Variants in RNF149 observed in about 807,000 individuals in gnomAD.
RNF149 encodes the protein ring finger protein 149.
Under a neutral mutation model 39.0 loss-of-function variants are expected in RNF149, and 21 were observed. The ratio of observed to expected loss-of-function variants is 0.54; its 90% CI spans 0.38 to 0.77. RNF149 has a LOEUF of 0.77. RNF149 is among the 30% of genes least tolerant of loss of function. The probability of loss-of-function intolerance (pLI) is 0.00; values close to 1 mark genes in which losing one functional copy is unlikely to be tolerated. For synonymous variants in RNF149, 209 were observed against 213.6 expected (o/e 0.98, Z 0.19); for missense variants, 493 against 534.9 (o/e 0.92, Z 0.77).
chr2:101,304,143 T>TC (rs1250204421), intron 1 of RNF149, among the ~76,000 whole-genome samples: 1 of 152,136 alleles, frequency 6.6e-6, no homozygotes, highest in Non-Finnish European at 1.5e-5. Flanking sequence ...TGGCTTACAC[T>TC]CCCAGCACTG....
Position 101,289,010 on chromosome 2 carries a change from A to C in RNF149, c.826T>G (p.Phe276Val). Residue 276 changes from phenylalanine to valine, a missense_variant, in exon 4 of 7, where the codon TTC becomes GTC. Physicochemically the swap from Phe to Val is conservative, Grantham distance 50. Transcript: ENST00000295317. ...AENCAVCIEN[F>V]KVKDIIRILP... The stretch of plus-strand genomic sequence containing the variant: ...ATTCTAATAATATCCTTTACTTTGA[A>C]ATTTTCAATACACACTGCACAATTT... 6.3e-7 allele frequency: 1 copy of C among 1,593,380 alleles called. No homozygotes were observed. The highest frequency in any genetic ancestry group is 8.6e-7 in the Non-Finnish European group (1 of 1,162,566).
chr2:101,308,135 G>C lies in RNF149; in HGVS notation c.454C>G (p.His152Asp). 1.2e-6 allele frequency: 2 copies of C among 1,608,542 alleles called. No homozygotes were observed. Among genetic ancestry groups the C allele is most frequent in the Non-Finnish European group, 1.7e-6 (2 of 1,178,560 alleles). Residue 152 changes from histidine to aspartate, a missense_variant, in exon 1 of 7, where the codon CAC becomes GAC. Physicochemically the swap from His to Asp is moderately conservative, Grantham distance 81. Transcript: ENST00000295317. ...CGCGCCCCGGCCTGCTCACCCGCGTGAGACATGGGCAAGGTGATGTTCCCG... is the reference window on the plus strand; with the variant it reads ...CGCGCCCCGGCCTGCTCACCCGCGTCAGACATGGGCAAGGTGATGTTCCCG... ...RYGNITLPMS[H>D]AGTGNIVVIM...
rs1573260346 is a variant in RNF149 at position 101,301,292 on chromosome 2, T to A, written c.461-6111A>T. ...TATCTTTGCACATAGTACATAATCA[T>A]AAATCTACTTGCTGAACAATACTAA... On this transcript the variant is annotated intron_variant, in intron 1 of 6. Transcript: ENST00000295317. 2.0e-5 allele frequency among the ~76,000 whole-genome samples: 3 copies of A among 152,078 alleles called. No individual in the cohort carries two copies. In the East Asian group the frequency reaches 5.8e-4, roughly 29 times the overall value.
In RNF149 at chr2:101,280,204, G is replaced by A. The variant is rs62153992; in HGVS notation, c.1159+1655C>T. ...TAATAATAATAATAATAATAATAAT[G>A]ATGATGATGATGATAATGTAGAATA... On this transcript the variant is annotated intron_variant, in intron 6 of 6. Coordinates refer to ENST00000295317, the MANE Select transcript of RNF149 (RefSeq NM_173647.4). Among the ~76,000 whole-genome samples the A allele has an allele frequency of 3.4e-3, 354 of 104,400 alleles. 1 individual carries two copies. Among genetic ancestry groups the A allele is most frequent in the African/African-American group, 9.7e-3 (298 of 30,638 alleles). The allele number at this position is 104,400 out of a possible 152,430, so 68.5% of individuals were successfully genotyped here. A position where few individuals can be genotyped will look rare whatever the true frequency, so the allele number is the denominator to read the frequency against.
chr2:101,277,367 A>G, intron 6 of RNF149, 86 bp from the exon 7 acceptor site: 1 of 1,488,176 alleles, frequency 6.7e-7, no homozygotes, highest in Non-Finnish European at 9.0e-7. Context: ...ACTCACTTGG[A>G]GATAATTCAA....
At chr2:101,277,346 C>A in intron 6 of RNF149, 65 bp from the exon 7 acceptor site, 1 of 1,544,728 alleles carries the variant, frequency 6.5e-7, no homozygotes, top group Non-Finnish European at 8.7e-7. Context: ...TTCAACTATG[C>A]AAACACACTT....
chr2:101,293,286 A>T (rs930528573), intron 3 of RNF149, among the ~76,000 whole-genome samples: 2 of 152,194 alleles, frequency 1.3e-5, no homozygotes, highest in Non-Finnish European at 2.9e-5. Context: ...ATTTTTGATA[A>T]CTTAGTGAGA....
chr2:101,281,295 T>G (rs1362952944), intron 6 of RNF149, among the ~76,000 whole-genome samples: 1 of 152,096 alleles, frequency 6.6e-6, no homozygotes, highest in Non-Finnish European at 1.5e-5. Flanking sequence ...AAAAAGTAGG[T>G]TACCTAACAG....
At chr2:101,282,855 G>C (rs939661570) in intron 5 of RNF149, among the ~76,000 whole-genome samples, 1 of 151,824 alleles carries the variant, frequency 6.6e-6, no homozygotes, top group Non-Finnish European at 1.5e-5. Flanking sequence ...GCCCCCCACA[G>C]CCCTGCTCCA....
chr2:101,300,923 G>C (rs989558163), intron 1 of RNF149, among the ~76,000 whole-genome samples: 2 of 152,162 alleles, frequency 1.3e-5, no homozygotes, highest in Non-Finnish European at 2.9e-5. Flanking sequence ...TCTTGCCTCC[G>C]ATGCATCGCC....
intron 1 of RNF149, among the ~76,000 whole-genome samples, chr2:101,305,725 G>GAGAGGAGGGGGAGAGGGAGAGA (rs1573269306): frequency 1.3e-5 from 2 of 151,904 alleles, no homozygotes; most frequent in East Asian, 3.9e-4. Flanking sequence ...GGAGGGAGAG[G>GAGAGGAGGGGGAGAGGGAGAGA]GAGAGGAGGG....
chr2:101,308,329 A>T lies in RNF149; in HGVS notation c.260T>A (p.Leu87His), dbSNP rs776200345. The part of the protein sequence containing the change: ...VGVPWAPGGD[L>H]EGCAPDTRFF... ...GCGCGTGTCGGGCGCGCAGCCCTCG[A>T]GGTCTCCGCCGGGCGCCCACGGGAC... The change falls in exon 1 of 7, where the codon CTC (leucine) becomes CAC (histidine). Residue 87 changes from leucine (L) to histidine (H), a missense_variant. Transcript: ENST00000295317. The T allele has an allele frequency of 6.3e-7, 1 of 1,595,780 alleles. No homozygotes were observed. Among genetic ancestry groups the T allele is most frequent in the Non-Finnish European group, 8.5e-7 (1 of 1,173,942 alleles).
intron 3 of RNF149, among the ~76,000 whole-genome samples, chr2:101,293,187 A>G (rs939227916): frequency 2.0e-5 from 3 of 152,100 alleles, no homozygotes; most frequent in Non-Finnish European, 4.4e-5. Context: ...TTTTTGCTTT[A>G]ATCCTTTAAG....
At chr2:101,303,197 C>G (rs1321054614) in intron 1 of RNF149, among the ~76,000 whole-genome samples, 2 of 151,972 alleles carry the variant, frequency 1.3e-5, no homozygotes, top group African/African-American at 4.8e-5. Context: ...CTCACTGCAA[C>G]CTCTGCCTCC....
chr2:101,273,366 T>A (rs981340899), downstream of RNF149: 1 of 470,946 alleles, frequency 2.1e-6, no homozygotes, highest in African/African-American at 2.0e-5. Flanking sequence ...AGGAAGGTGA[T>A]TCATGTGGTA....
intron 6 of RNF149, chr2:101,281,631 G>A: frequency 1.9e-6 from 1 of 528,622 alleles, no homozygotes; most frequent in South Asian, 2.1e-5. Flanking sequence ...ATTCTGAGTA[G>A]CTGGGACTAC....
intron 1 of RNF149, among the ~76,000 whole-genome samples, chr2:101,306,990 T>C (rs1173251527): frequency 6.6e-6 from 1 of 152,136 alleles, no homozygotes; most frequent in African/African-American, 2.4e-5. Flanking sequence ...CAACTAGTTG[T>C]GTGATGCATA....
At chr2:101,272,699 ATAT>A (rs1359672547), downstream of RNF149, 1 of 345,412 alleles carries the variant, frequency 2.9e-6, no homozygotes, top group East Asian at 7.5e-5. Flanking sequence ...AGTAATACAT[ATAT>A]ACTGACTTAT....
chr2:101,278,652 C>T (rs542713293), intron 6 of RNF149, among the ~76,000 whole-genome samples: 5 of 152,184 alleles, frequency 3.3e-5, no homozygotes, highest in African/African-American at 9.6e-5. Context: ...ATGTGCATTA[C>T]CTGACATATT....
Sources: allele counts gnomAD v4.1 joint callset (sites outside exome capture counted in the v4.1 genomes callset), GRCh38; gene constraint gnomAD v4.1.1; transcripts MANE v1.5; gene names NCBI Gene and HGNC (gene_info 2026-07-23, HGNC 2026-07-21).